The following SHISA6 variants were observed in gnomAD, a reference collection of about 807,000 sequenced individuals.
SHISA6 encodes protein shisa-6.
In SHISA6, 22 loss-of-function variants were observed where a neutral mutation model predicts 47.9. The observed-to-expected ratio is 0.46, with a 90% CI of 0.33 to 0.66. The LOEUF (loss-of-function observed/expected upper bound fraction) is 0.66, where lower values mean the gene tolerates loss of function less well. SHISA6 is among the 30% of genes least tolerant of loss of function. The pLI is 0.02. For synonymous variants in SHISA6, 388 were observed against 337.8 expected (o/e 1.15, Z -1.63); for missense variants, 680 against 764.6 (o/e 0.89, Z 1.30).
chr17:11,296,945 C>G (rs1909773208), intron 2 of SHISA6, among the ~76,000 whole-genome samples: 2 of 152,074 alleles, frequency 1.3e-5, no homozygotes, highest in Admixed American at 1.3e-4. Context: ...ACGGAGGATA[C>G]CACTGGGCTT....
intron 2 of SHISA6, among the ~76,000 whole-genome samples, chr17:11,339,056 A>G (rs1287879417): frequency 6.6e-6 from 1 of 152,100 alleles, no homozygotes; most frequent in Non-Finnish European, 1.5e-5. Context: ...AAAAAAATCC[A>G]AAATGTGTGT....
At position 11,560,800 on chromosome 17, in the gene SHISA6, T is replaced by C. The variant is rs1210997544; in HGVS notation, c.*2496T>C. On this transcript the variant is annotated 3_prime_UTR_variant, in exon 6 of 6. Coordinates refer to ENST00000441885, the MANE Select transcript of SHISA6 (RefSeq NM_207386.4). The stretch of plus-strand genomic sequence containing the variant: ...ACATTTCTCATCCCAGCCTTACCAC[T>C]GTCTGGCTGAAAGGCTCTGATGTCA... 6.6e-6 allele frequency: 1 copy of C among 152,152 alleles called. No homozygotes were observed. Among genetic ancestry groups the C allele is most frequent in the African/African-American group, 2.4e-5 (1 of 41,434 alleles). 9.4% of individuals were successfully genotyped at this position (152,152 alleles called of 1,614,324 possible). A position where few individuals can be genotyped will look rare whatever the true frequency, so the allele number is the denominator to read the frequency against.
At chr17:11,405,686 C>T (rs1167947532) in intron 3 of SHISA6, among the ~76,000 whole-genome samples, 2 of 151,970 alleles carry the variant, frequency 1.3e-5, no homozygotes, top group Non-Finnish European at 2.9e-5. Context: ...CCTGTAATCC[C>T]AGCTACTTGG....
chr17:11,458,360 G>T (rs111776133), intron 3 of SHISA6, among the ~76,000 whole-genome samples: 2 of 152,102 alleles, frequency 1.3e-5, no homozygotes, highest in Admixed American at 1.3e-4. Context: ...CTCTCTCTTT[G>T]TTCTTCACTC....
intron 3 of SHISA6, among the ~76,000 whole-genome samples, chr17:11,429,795 A>C (rs2142288667): frequency 6.8e-6 from 1 of 147,054 alleles, no homozygotes; most frequent in South Asian, 2.1e-4. Context: ...CCGTCTCAAA[A>C]ATAAATAAAT....
chr17:11,476,899 T>G (rs992038092), intron 3 of SHISA6, among the ~76,000 whole-genome samples: 1 of 152,324 alleles, frequency 6.6e-6, no homozygotes, highest in Non-Finnish European at 1.5e-5. Flanking sequence ...CTATTTCTTC[T>G]TGTAGTTCTG....
intron 3 of SHISA6, among the ~76,000 whole-genome samples, chr17:11,516,754 G>C (rs539799936): frequency 6.6e-6 from 1 of 152,282 alleles, no homozygotes; most frequent in African/African-American, 2.4e-5. Flanking sequence ...ATAGATAAAT[G>C]GTTAGAAAAG....
At chr17:11,313,275 A>G (rs1265867358) in intron 2 of SHISA6, among the ~76,000 whole-genome samples, 1 of 152,120 alleles carries the variant, frequency 6.6e-6, no homozygotes, top group Non-Finnish European at 1.5e-5. Context: ...ATTGTATTTC[A>G]CTGTTGTTTA....
At chr17:11,509,051 T>G (rs533724810) in intron 3 of SHISA6, among the ~76,000 whole-genome samples, 2 of 126,398 alleles carry the variant, frequency 1.6e-5, no homozygotes, top group East Asian at 5.4e-4. Context: ...CCTGGAAGGT[T>G]TCACTGCATA....
At chr17:11,438,346 A>G (rs909669513) in intron 3 of SHISA6, among the ~76,000 whole-genome samples, 2 of 152,206 alleles carry the variant, frequency 1.3e-5, no homozygotes, top group African/African-American at 4.8e-5. Flanking sequence ...CCATAACAAA[A>G]TAACACAGAC....
chr17:11,547,777 C>T (rs2908956), intron 3 of SHISA6, among the ~76,000 whole-genome samples: 1 of 151,904 alleles, frequency 6.6e-6, no homozygotes, highest in Non-Finnish European at 1.5e-5. Flanking sequence ...TGAAAGAGTA[C>T]TAATATGAAT....
chr17:11,252,148 C>T (rs1907835219), intron 1 of SHISA6, among the ~76,000 whole-genome samples: 1 of 152,172 alleles, frequency 6.6e-6, no homozygotes. Context: ...GCCCCTGTCC[C>T]TCTCTCCAGA....
intron 3 of SHISA6, among the ~76,000 whole-genome samples, chr17:11,415,730 T>C (rs1914261925): frequency 7.3e-6 from 1 of 137,008 alleles, no homozygotes; most frequent in Non-Finnish European, 1.6e-5. Context: ...CCTTATTGTT[T>C]TGTTGTTGCT....
At chr17:11,365,668 C>T (rs765225342) in intron 2 of SHISA6, among the ~76,000 whole-genome samples, 3 of 152,150 alleles carry the variant, frequency 2.0e-5, no homozygotes, top group Non-Finnish European at 2.9e-5. Context: ...TCATTTAGTC[C>T]GTTAATCCAT....
intron 3 of SHISA6, among the ~76,000 whole-genome samples, chr17:11,410,256 C>A (rs1914078682): frequency 6.6e-6 from 1 of 152,174 alleles, no homozygotes; most frequent in African/African-American, 2.4e-5. Flanking sequence ...CAATCAACAA[C>A]CCTCGGAGGA....
At chr17:11,277,843 G>A (rs1047319294) in intron 2 of SHISA6, among the ~76,000 whole-genome samples, 2 of 152,136 alleles carry the variant, frequency 1.3e-5, no homozygotes, top group African/African-American at 4.8e-5. Context: ...GACATCAGGA[G>A]GGAGAAAGGA....
intron 2 of SHISA6, among the ~76,000 whole-genome samples, chr17:11,332,155 C>T (rs888464996): frequency 3.3e-5 from 5 of 152,036 alleles, no homozygotes; most frequent in African/African-American, 1.2e-4. Flanking sequence ...CCTCCCCCAC[C>T]TCTCTTGAAA....
chr17:11,546,281 C>T lies in SHISA6; in HGVS notation c.896-5615C>T, dbSNP rs376067476. On this transcript the variant is annotated intron_variant, in intron 3 of 5. Coordinates refer to ENST00000441885, the MANE Select transcript of SHISA6 (RefSeq NM_207386.4). ...ATTGACTTAGGTTAAGTCAAGCACT[C>T]ATACTTGGTCTAGTAGCCCTGACAC... Among the ~76,000 whole-genome samples, 17 of 152,246 alleles carry T rather than the reference C, an allele frequency of 1.1e-4. No homozygotes were observed. The East Asian group carries it at 2.7e-3, about 24-fold the overall frequency.
intron 3 of SHISA6, among the ~76,000 whole-genome samples, chr17:11,518,915 A>T (rs1030969849): frequency 2.6e-5 from 4 of 152,158 alleles, no homozygotes; most frequent in African/African-American, 9.7e-5. Flanking sequence ...TCACTGAGGA[A>T]ATTGAAGCTG....
Sources: allele counts gnomAD v4.1 joint callset (sites outside exome capture counted in the v4.1 genomes callset), GRCh38; gene constraint gnomAD v4.1.1; transcripts MANE v1.5; gene names NCBI Gene and HGNC (gene_info 2026-07-23, HGNC 2026-07-21).